Variants in CLTCL1 observed in about 807,000 individuals in gnomAD.
CLTCL1 encodes clathrin heavy chain like 1, also known as clathrin heavy chain 2.
A neutral mutation model predicts 190.0 loss-of-function variants in CLTCL1; 159 were observed. The ratio of observed to expected loss-of-function variants is 0.84; its 90% CI spans 0.74 to 0.95. The LOEUF (loss-of-function observed/expected upper bound fraction) is 0.95. Among genes scored for constraint, CLTCL1 ranks in the 40% least tolerant of loss-of-function variants. CLTCL1 has a pLI of 0.00. For synonymous variants in CLTCL1, 752 were observed against 769.6 expected (o/e 0.98, Z 0.38); for missense variants, 1,878 against 2,033.4 (o/e 0.92, Z 1.47).
At chr22:19,284,851 G>C (rs1601745265) in intron 1 of CLTCL1, among the ~76,000 whole-genome samples, 1 of 152,124 alleles carries the variant, frequency 6.6e-6, no homozygotes, top group East Asian at 1.9e-4. Context: ...CTACTCAGGA[G>C]GCTGAAGCCA....
intron 2 of CLTCL1, among the ~76,000 whole-genome samples, chr22:19,268,339 T>C (rs570348975): frequency 6.6e-6 from 1 of 152,324 alleles, no homozygotes; most frequent in South Asian, 2.1e-4. Context: ...CTTTATAGAT[T>C]TCCCAGTGTC....
rs55790642 is a variant in CLTCL1, at chr22:19,187,701, C to G, written c.4462G>C (p.Asp1488His). ...QGLRASIDAY[D>H]NFDNISLAQQ... The stretch of plus-strand genomic sequence containing the variant: ...GCCAGGCTGATGTTGTCAAAGTTGT[C>G]ATAGGCATCGATAGATGCCCTTAAG... The change falls in exon 29 of 33, where the codon GAC (aspartate) becomes CAC (histidine). Residue 1488 changes from aspartate (D) to histidine (H), a missense_variant. By Grantham distance (81) the Asp-to-His change is moderately conservative (BLOSUM62 -1). Transcript: ENST00000427926. 1.9e-4 allele frequency: 314 copies of G among 1,613,840 alleles called. 4 individuals carry two copies. The Middle Eastern group carries it at 2.0e-3, about 10-fold the overall frequency.
At position 19,225,507 on chromosome 22, in the gene CLTCL1, G is replaced by T. The variant is rs1555955324; in HGVS notation, c.2074C>A (p.Gln692Lys). Residue 692 changes from glutamine to lysine, a missense_variant, in exon 13 of 33, where the codon CAG becomes AAG. Gln to Lys is a moderately conservative substitution (Grantham distance 53). Coordinates refer to ENST00000427926, the MANE Select transcript of CLTCL1 (RefSeq NM_007098.4). Reference sequence around the variant, plus strand: ...TCCACCAGGGCCTGCGTGCCCAGCTGCTCGTGGTACTTAGAGGCCACCTGC... The same window carrying T: ...TCCACCAGGGCCTGCGTGCCCAGCTTCTCGTGGTACTTAGAGGCCACCTGC... ...CVQVASKYHEQLGTQALVELF... is the reference protein window; with the variant it reads ...CVQVASKYHEKLGTQALVELF... 1.3e-6 allele frequency: 2 copies of T among 1,587,836 alleles called. No homozygotes were observed. The highest frequency in any genetic ancestry group is 8.6e-7 in the Non-Finnish European group (1 of 1,166,454).
intron 1 of CLTCL1, among the ~76,000 whole-genome samples, chr22:19,290,915 C>A (rs965446507): frequency 1.3e-5 from 2 of 152,154 alleles, no homozygotes; most frequent in African/African-American, 2.4e-5. Flanking sequence ...CCTCCTCTGC[C>A]GCACCTCCCA....
chr22:19,212,943 C>A (rs1359886222), intron 19 of CLTCL1, among the ~76,000 whole-genome samples: 2 of 152,094 alleles, frequency 1.3e-5, no homozygotes, highest in African/African-American at 4.8e-5. Flanking sequence ...TGTTTTAACA[C>A]CAAAGCACAG....
In CLTCL1 at chr22:19,239,442, TGCTAGTCAAGGCACAG is replaced by T. The variant is rs1374258278; in HGVS notation, c.682-70_682-55del. Reference sequence around the variant, plus strand: ...GGGACCGCCTGTGGTGGTGGGCAAGTGCTAGTCAAGGCACAGAGGCAAGTGGAGCCTCAGCTCCACA... The same window carrying T: ...GGGACCGCCTGTGGTGGTGGGCAAGTAGGCAAGTGGAGCCTCAGCTCCACA... On this transcript the variant is annotated intron_variant, in intron 4 of 32. Transcript: ENST00000427926. 4 of 1,351,872 alleles carry T rather than the reference TGCTAGTCAAGGCACAG, an allele frequency of 3.0e-6. No homozygotes were observed. In the African/African-American group the frequency reaches 5.7e-5, roughly 19 times the overall value. 83.7% of individuals were successfully genotyped at this position (1,351,872 alleles called of 1,614,324 possible). A position where few individuals can be genotyped will look rare whatever the true frequency, so the allele number is the denominator to read the frequency against.
intron 3 of CLTCL1, among the ~76,000 whole-genome samples, chr22:19,250,330 CTTT>C (rs35580449): frequency 7.1e-5 from 9 of 125,914 alleles, no homozygotes; most frequent in Admixed American, 8.0e-5. Flanking sequence ...CTCATCTGTT[CTTT>C]TTTTTTTTTT....
chr22:19,180,531 A>G (rs1202113739), intron 31 of CLTCL1, among the ~76,000 whole-genome samples, 200 bp downstream of exon 31: 2 of 152,160 alleles, frequency 1.3e-5, no homozygotes, highest in African/African-American at 4.8e-5. Flanking sequence ...GAAGGCAGGC[A>G]TCCTTACAGC....
intron 20 of CLTCL1, 86 bp downstream of exon 20, chr22:19,210,240 C>A (rs1407287536): frequency 3.0e-6 from 4 of 1,354,570 alleles, no homozygotes; most frequent in Non-Finnish European, 3.1e-6. Flanking sequence ...GGGTCTGACA[C>A]CCTTGGAGAG....
Position 19,233,625 on chromosome 22 carries a change from A to C in CLTCL1, c.1168-3T>G. 6.2e-7 allele frequency: 1 copy of C among 1,612,344 alleles called. No individual in the cohort carries two copies. Among genetic ancestry groups the C allele is most frequent in the Middle Eastern group, 1.9e-4 (1 of 5,372 alleles). ...GTCTCTCTGGTACGCAGGATTCCCT[A>C]ATAATAAATGGAAAAATAGGTCATT... On this transcript the variant is annotated splice_polypyrimidine_tract_variant and splice_region_variant and intron_variant, in intron 7 of 32. Coordinates refer to ENST00000427926, the MANE Select transcript of CLTCL1 (RefSeq NM_007098.4).
chr22:19,205,272 G>A (rs1487839562), intron 22 of CLTCL1, among the ~76,000 whole-genome samples: 1 of 152,188 alleles, frequency 6.6e-6, no homozygotes, highest in African/African-American at 2.4e-5. Flanking sequence ...CACTTTGGGA[G>A]GCTGAGGCGG....
In CLTCL1 at chr22:19,280,052, G is replaced by A. The variant is rs117537205; in HGVS notation, c.43-4222C>T. Among the ~76,000 whole-genome samples the A allele has an allele frequency of 7.2e-5, 11 of 152,226 alleles. No individual in the cohort carries two copies. In the East Asian group the frequency reaches 1.2e-3, roughly 16 times the overall value. On this transcript the variant is annotated intron_variant, in intron 1 of 32. Coordinates refer to ENST00000427926, the MANE Select transcript of CLTCL1 (RefSeq NM_007098.4). ...AGTCATATACAGGGACTGTTTTATC[G>A]GCTAAGGTTATGCTTTGAGACTGTC...
In CLTCL1 at chr22:19,291,219, G is replaced by C. The variant is rs575455980; in HGVS notation, c.42+381C>G. Among the ~76,000 whole-genome samples the C allele has an allele frequency of 1.4e-4, 22 of 152,338 alleles. 1 individual carries two copies. The East Asian group carries it at 4.1e-3, about 28-fold the overall frequency. On this transcript the variant is annotated intron_variant, in intron 1 of 32. Transcript: ENST00000427926. ...ACCGATCACAGAGGCAAACTCAGGG[G>C]CGAATAAGGACCGCAGGACGCCAAG... is the stretch of plus-strand genomic sequence containing the variant.
rs531956906 is a variant in CLTCL1 at position 19,196,158 on chromosome 22, C to T, written c.4191+108G>A. The T allele has an allele frequency of 3.5e-6, 4 of 1,135,346 alleles. No homozygotes were observed. The Admixed American group carries it at 9.0e-5, about 25-fold the overall frequency. The allele number at this position is 1,135,346 out of a possible 1,614,324, so 70.3% of individuals were successfully genotyped here. ...CTCATACAAGTGAACGCACACACAGCATGGGGGCATGCTGGTACTCATTCC... is the reference window on the plus strand; with the variant it reads ...CTCATACAAGTGAACGCACACACAGTATGGGGGCATGCTGGTACTCATTCC... On this transcript the variant is annotated intron_variant, in intron 26 of 32. Coordinates refer to ENST00000427926, the MANE Select transcript of CLTCL1 (RefSeq NM_007098.4).
chr22:19,281,774 C>T (rs1555986883), intron 1 of CLTCL1, among the ~76,000 whole-genome samples: 1 of 152,096 alleles, frequency 6.6e-6, no homozygotes, highest in African/African-American at 2.4e-5. Flanking sequence ...CTCCAAATAC[C>T]AAGAATTGGT....
intron 26 of CLTCL1, among the ~76,000 whole-genome samples, chr22:19,194,746 G>A (rs921073315): frequency 1.1e-4 from 16 of 152,232 alleles, no homozygotes; most frequent in Non-Finnish European, 2.1e-4. Flanking sequence ...CCCCGTGTGA[G>A]TTAGCAAGCT....
At chr22:19,191,158 G>T in intron 27 of CLTCL1, 146 bp downstream of exon 27, 1 of 882,134 alleles carries the variant, frequency 1.1e-6, no homozygotes, top group South Asian at 1.8e-5. Flanking sequence ...TCCTGTATCT[G>T]AAACCTAAAA....
intron 13 of CLTCL1, 140 bp downstream of exon 13, chr22:19,225,313 G>C: frequency 1.3e-6 from 1 of 798,884 alleles, no homozygotes; most frequent in Non-Finnish European, 1.9e-6. Context: ...TTCTGCCACC[G>C]ACTGAGCACC....
At position 19,201,026 on chromosome 22, in the gene CLTCL1, T is replaced by C. The variant is rs180934506; in HGVS notation, c.3765+303A>G. ...CCAATTTGCCACAAAGGACCAATAATGTAAATTTACACTGATTATGCAAAT... is the reference window on the plus strand; with the variant it reads ...CCAATTTGCCACAAAGGACCAATAACGTAAATTTACACTGATTATGCAAAT... On this transcript the variant is annotated intron_variant, in intron 23 of 32. Transcript: ENST00000427926. 4.6e-5 allele frequency among the ~76,000 whole-genome samples: 7 copies of C among 152,326 alleles called. No individual in the cohort carries two copies. The East Asian group carries it at 1.3e-3, about 29-fold the overall frequency.
Sources: gnomAD v4.1 joint callset for allele counts (sites outside exome capture counted in the v4.1 genomes callset) on GRCh38, gnomAD v4.1.1 for gene constraint, MANE v1.5 for transcripts, NCBI Gene and HGNC (gene_info 2026-07-23, HGNC 2026-07-21) for gene names.